FANCI: variants seen among roughly 807,000 people sequenced by gnomAD.
The protein encoded by FANCI is FA complementation group I.
Under a neutral mutation model 176.1 loss-of-function variants are expected in FANCI, and 156 were observed. That is an observed-to-expected ratio of 0.89 (90% CI 0.78 to 1.01). The LOEUF (loss-of-function observed/expected upper bound fraction) is 1.01, where lower values mean the gene tolerates loss of function less well. Ranked by LOEUF, FANCI falls within the 50% of genes least tolerant of loss-of-function variation. The probability of loss-of-function intolerance (pLI) is 0.00; values close to 1 mark genes in which losing one functional copy is unlikely to be tolerated. For synonymous variants in FANCI, 613 were observed against 541.7 expected (o/e 1.13, Z -1.83); for missense variants, 1,678 against 1,534.1 (o/e 1.09, Z -1.57).
chr15:89,290,730 C>T (rs2151696542), intron 19 of FANCI: 1 of 178,742 alleles, frequency 5.6e-6, no homozygotes, highest in East Asian at 1.4e-4. Flanking sequence ...TTCTTCTAAT[C>T]TTCAAGACTA....
Position 89,261,581 on chromosome 15 carries a change from T to A in FANCI, c.289-4T>A. Reference sequence around the variant, plus strand: ...GAGATTTCCTTTATCCTGTGAACTTTTAGGCTCACCATTTTCCAGGACCAT... The same window carrying A: ...GAGATTTCCTTTATCCTGTGAACTTATAGGCTCACCATTTTCCAGGACCAT... On this transcript the variant is annotated splice_region_variant and splice_polypyrimidine_tract_variant and intron_variant, in intron 4 of 37. Transcript: ENST00000310775. The A allele has an allele frequency of 1.2e-6, 2 of 1,614,134 alleles. No homozygotes were observed. The highest frequency in any genetic ancestry group is 1.7e-6 in the Non-Finnish European group (2 of 1,180,020).
intron 34 of FANCI, chr15:89,308,112 A>C: frequency 9.0e-7 from 1 of 1,106,106 alleles, no homozygotes; most frequent in Non-Finnish European, 1.1e-6. Context: ...ATTTGGTCCT[A>C]AATACCATCA....
At chr15:89,255,867 G>A (rs1411202193) in intron 2 of FANCI, among the ~76,000 whole-genome samples, 1 of 152,196 alleles carries the variant, frequency 6.6e-6, no homozygotes, top group Non-Finnish European at 1.5e-5. Context: ...GGGGAGTAGA[G>A]GACAGAGTCA....
At chr15:89,251,931 T>C (rs2052270457) in intron 2 of FANCI, among the ~76,000 whole-genome samples, 1 of 152,202 alleles carries the variant, frequency 6.6e-6, no homozygotes, top group South Asian at 2.1e-4. Context: ...ATGCCTACTG[T>C]CTCCATTACT....
intron 16 of FANCI, chr15:89,282,477 T>C: frequency 6.2e-6 from 1 of 162,518 alleles, no homozygotes. Flanking sequence ...GACAGTAATA[T>C]GTGAAAAGCA....
chr15:89,282,600 A>G (rs989103215), intron 16 of FANCI: 3 of 181,256 alleles, frequency 1.7e-5, no homozygotes, highest in Admixed American at 1.6e-4. Flanking sequence ...TTGTTCTAGA[A>G]TTAAAAGTTT....
intron 8 of FANCI, among the ~76,000 whole-genome samples, chr15:89,264,318 G>C (rs919712520): frequency 2.0e-5 from 3 of 152,154 alleles, no homozygotes; most frequent in African/African-American, 7.2e-5. Context: ...GTAGACTATA[G>C]GCCCCATAAA....
At chr15:89,261,772 C>A (rs750988926) in intron 5 of FANCI, 31 bp downstream of exon 5, 8 of 1,613,984 alleles carry the variant, frequency 5.0e-6, no homozygotes, top group Non-Finnish European at 5.1e-6. Context: ...GTGGCTTTTT[C>A]TCTATGCACA....
chr15:89,311,358 G>A (rs1204267859), intron 34 of FANCI, among the ~76,000 whole-genome samples: 2 of 152,194 alleles, frequency 1.3e-5, no homozygotes, highest in Non-Finnish European at 2.9e-5. Context: ...GGCAGAGGTT[G>A]CAGTGAGCTG....
Position 89,271,875 on chromosome 15 carries a change from T to C in FANCI, c.883-1502T>C, listed in dbSNP as rs148491972. On this transcript the variant is annotated intron_variant, in intron 10 of 37. Coordinates refer to ENST00000310775, the MANE Select transcript of FANCI (RefSeq NM_001113378.2). ...CCCAGCTGGTGGACATTTGAATTGT[T>C]TCTACTGTTTGGCTATTACAAATAA... is the stretch of plus-strand genomic sequence containing the variant. Among the ~76,000 whole-genome samples, 651 of 152,354 alleles carry C rather than the reference T, an allele frequency of 4.3e-3. 3 individuals carry two copies. Among genetic ancestry groups the C allele is most frequent in the African/African-American group, 0.015 (621 of 41,578 alleles).
At chr15:89,278,015 T>G (rs923290421) in intron 13 of FANCI, among the ~76,000 whole-genome samples, 2 of 152,224 alleles carry the variant, frequency 1.3e-5, no homozygotes, top group African/African-American at 4.8e-5. Flanking sequence ...ACAGTGATAT[T>G]GTTAAAGACA....
At chr15:89,260,927 C>T in intron 4 of FANCI, 84 bp downstream of exon 4, 18 of 1,512,576 alleles carry the variant, frequency 1.2e-5, no homozygotes, top group Non-Finnish European at 1.6e-5. Context: ...CTTAAGTGCC[C>T]AACCTAGCAT....
In FANCI at chr15:89,300,417, C is replaced by T. The variant is rs770054772; in HGVS notation, c.2889+32C>T. 9 of 1,589,572 alleles carry T rather than the reference C, an allele frequency of 5.7e-6. No individual in the cohort carries two copies. The East Asian group carries it at 1.8e-4, about 32-fold the overall frequency. On this transcript the variant is annotated intron_variant, in intron 26 of 37. Transcript: ENST00000310775. ...AGCCTTGCAAAGCTGCTGTACTGGCCTGAGAGGCTTTGCAAAGGAACTGTT... is the reference window on the plus strand; with the variant it reads ...AGCCTTGCAAAGCTGCTGTACTGGCTTGAGAGGCTTTGCAAAGGAACTGTT...
chr15:89,305,582 C>T (rs1448289693), intron 30 of FANCI, 23 bp from the exon 31 acceptor site: 4 of 1,612,776 alleles, frequency 2.5e-6, no homozygotes, highest in Non-Finnish European at 3.4e-6. Context: ...TAGTGAATCA[C>T]ACCAGGCACT....
At chr15:89,289,330 C>T (rs527658513) in intron 18 of FANCI, among the ~76,000 whole-genome samples, 5 of 152,198 alleles carry the variant, frequency 3.3e-5, no homozygotes, top group African/African-American at 7.2e-5. Flanking sequence ...TGGAGTCTCA[C>T]TCTGTTGCCC....
rs184536276 is a variant in FANCI at position 89,256,948 on chromosome 15, C to T, written c.85-1756C>T. Reference sequence around the variant, plus strand: ...TTGATATGGAGTCTCGCTCTGTCACCCAGGCTAGAGTGCAGGGGCGTGAGC... The same window carrying T: ...TTGATATGGAGTCTCGCTCTGTCACTCAGGCTAGAGTGCAGGGGCGTGAGC... On this transcript the variant is annotated intron_variant, in intron 2 of 37. Coordinates refer to ENST00000310775, the MANE Select transcript of FANCI (RefSeq NM_001113378.2). Among the ~76,000 whole-genome samples the T allele has an allele frequency of 1.1e-4, 16 of 152,224 alleles. No individual in the cohort carries two copies. The East Asian group carries it at 3.1e-3, about 29-fold the overall frequency.
At chr15:89,290,624 A>G (rs1158918034) in intron 19 of FANCI, 2 of 255,168 alleles carry the variant, frequency 7.8e-6, no homozygotes, top group Admixed American at 4.8e-5. Flanking sequence ...ATATAGCAAA[A>G]TATTATTTCT....
chr15:89,288,558 TTAAATAA>T (rs2053918715), intron 18 of FANCI, among the ~76,000 whole-genome samples: 1 of 152,014 alleles, frequency 6.6e-6, no homozygotes, highest in Non-Finnish European at 1.5e-5. Flanking sequence ...CCTTTTACAC[TTAAATAA>T]TAATTTTTGG....
rs34985075 is a variant in FANCI at position 89,273,511 on chromosome 15, TAA to T, written c.975+65_975+66del. 59,884 of 456,952 alleles carry T rather than the reference TAA, an allele frequency of 0.13. 38 individuals carry two copies. Among genetic ancestry groups the T allele is most frequent in the South Asian group, 0.15 (6,365 of 43,870 alleles). 28.3% of individuals were successfully genotyped at this position (456,952 alleles called of 1,614,324 possible). On this transcript the variant is annotated intron_variant, in intron 11 of 37. Transcript: ENST00000310775. ...CCATTTTGTTTCTTTCTGTAGTTGG[TAA>T]AAAAAAAAAAAAAAAAAAAAAATCA...
Sources: gnomAD v4.1 joint callset for allele counts (sites outside exome capture counted in the v4.1 genomes callset) on GRCh38, gnomAD v4.1.1 for gene constraint, MANE v1.5 for transcripts, NCBI Gene and HGNC (gene_info 2026-07-23, HGNC 2026-07-21) for gene names.